The following DCLK2 variants were observed in gnomAD, a reference collection of about 807,000 sequenced individuals.
The protein encoded by DCLK2 is doublecortin like kinase 2.
Under a neutral mutation model 78.4 loss-of-function variants are expected in DCLK2, and 31 were observed. The ratio of observed to expected loss-of-function variants is 0.40; its 90% CI spans 0.30 to 0.53. The LOEUF (loss-of-function observed/expected upper bound fraction) is 0.53, where lower values mean the gene tolerates loss of function less well. Ranked by LOEUF, DCLK2 falls within the 20% of genes least tolerant of loss-of-function variation. DCLK2 has a pLI of 0.61. For synonymous variants in DCLK2, 407 were observed against 374.9 expected (o/e 1.09, Z -0.99); for missense variants, 872 against 973.7 (o/e 0.90, Z 1.39).
chr4:150,158,379 A>G (rs1484620491), intron 2 of DCLK2, among the ~76,000 whole-genome samples: 1 of 152,222 alleles, frequency 6.6e-6, no homozygotes, highest in African/African-American at 2.4e-5. Context: ...GGGCTTCAAC[A>G]TATGAATTTT....
chr4:150,144,454 C>T (rs11730510), intron 2 of DCLK2, among the ~76,000 whole-genome samples: 1,634 of 152,212 alleles, frequency 0.011, 16 homozygotes, highest in Non-Finnish European at 0.018. Context: ...TATTTTTGTA[C>T]CAGTACCATG....
intron 2 of DCLK2, among the ~76,000 whole-genome samples, chr4:150,115,915 C>A (rs1306867039): frequency 6.6e-6 from 1 of 152,166 alleles, no homozygotes; most frequent in African/African-American, 2.4e-5. Context: ...ACAGAGGTCC[C>A]AGCTTTGATG....
At chr4:150,125,822 C>T (rs1216531569) in intron 2 of DCLK2, among the ~76,000 whole-genome samples, 5 of 151,744 alleles carry the variant, frequency 3.3e-5, no homozygotes, top group African/African-American at 7.3e-5. Context: ...ACCCGGGAGG[C>T]GGAGGTTGCA....
chr4:150,188,757 C>G (rs1198524043), intron 2 of DCLK2, among the ~76,000 whole-genome samples: 1 of 151,698 alleles, frequency 6.6e-6, no homozygotes, highest in African/African-American at 2.4e-5. Flanking sequence ...AAAAAATAAG[C>G]TGGGCATGGT....
At chr4:150,224,194 TC>T (rs1410438987) in intron 7 of DCLK2, among the ~76,000 whole-genome samples, 1 of 152,080 alleles carries the variant, frequency 6.6e-6, no homozygotes, top group Admixed American at 6.5e-5. Flanking sequence ...GGTACCTTTG[TC>T]CCCTGACTCC....
chr4:150,236,043 T>C (rs1459744), intron 10 of DCLK2, among the ~76,000 whole-genome samples: 121,633 of 152,098 alleles, frequency 0.8, 50,913 homozygotes, highest in Middle Eastern at 0.94. Flanking sequence ...AGAAGAGGGT[T>C]GGTTTCTCAT....
intron 2 of DCLK2, among the ~76,000 whole-genome samples, chr4:150,151,167 C>T (rs1177354931): frequency 2.0e-5 from 3 of 152,206 alleles, no homozygotes; most frequent in South Asian, 4.1e-4. Flanking sequence ...TTTGCTAGTC[C>T]TTTCTCATCC....
At chr4:150,189,619 C>T (rs189695675) in intron 2 of DCLK2, among the ~76,000 whole-genome samples, 95 of 152,124 alleles carry the variant, frequency 6.2e-4, no homozygotes, top group Middle Eastern at 3.4e-3. Flanking sequence ...TAATACATGC[C>T]GCCATATAGA....
chr4:150,171,586 A>G (rs2150259793), intron 2 of DCLK2, among the ~76,000 whole-genome samples: 1 of 152,396 alleles, frequency 6.6e-6, no homozygotes, highest in Admixed American at 6.5e-5. Flanking sequence ...TATTTAATGC[A>G]GAAAGCAAAT....
At chr4:150,086,190 T>A (rs999691141) in intron 1 of DCLK2, among the ~76,000 whole-genome samples, 1 of 152,226 alleles carries the variant, frequency 6.6e-6, no homozygotes, top group African/African-American at 2.4e-5. Context: ...GGTGTTTTTT[T>A]AATTAATTTT....
chr4:150,249,520 A>C, intron 14 of DCLK2, 48 bp from the exon 15 acceptor site: 1 of 1,545,860 alleles, frequency 6.5e-7, no homozygotes, highest in Non-Finnish European at 8.9e-7. Flanking sequence ...GACAACTCAA[A>C]CGGGAGGATG....
At chr4:150,188,042 G>A (rs903259363) in intron 2 of DCLK2, among the ~76,000 whole-genome samples, 2 of 152,156 alleles carry the variant, frequency 1.3e-5, no homozygotes, top group Middle Eastern at 3.4e-3. Flanking sequence ...CTCATGATCC[G>A]CACCCCTTGG....
chr4:150,220,809 A>G, intron 6 of DCLK2, 31 bp downstream of exon 6: 1 of 1,570,078 alleles, frequency 6.4e-7, no homozygotes, highest in Non-Finnish European at 8.8e-7. Context: ...TACTTTGATA[A>G]AGGAAATCAT....
chr4:150,167,297 T>G (rs28501175), intron 2 of DCLK2, among the ~76,000 whole-genome samples: 4 of 152,174 alleles, frequency 2.6e-5, no homozygotes, highest in Admixed American at 6.5e-5. Context: ...ACAGACTGTT[T>G]GTGACTACAC....
Position 150,249,691 on chromosome 4 carries a change from G to A in DCLK2, c.2073+7G>A. 1 of 1,610,986 alleles carries A rather than the reference G, an allele frequency of 6.2e-7. No individual in the cohort carries two copies. On this transcript the variant is annotated splice_region_variant and intron_variant, in intron 15 of 15. Transcript: ENST00000296550. Reference sequence around the variant, plus strand: ...CGGGGTCTCCGTCATCATGGTGAGTGGAAGGCGGCAGGTCTGGCCTGACTG... The same window carrying A: ...CGGGGTCTCCGTCATCATGGTGAGTAGAAGGCGGCAGGTCTGGCCTGACTG...
At chr4:150,250,980 ACACCACACATCCCT>A (rs1367908515) in intron 15 of DCLK2, among the ~76,000 whole-genome samples, 9 of 584 alleles carry the variant, frequency 0.015, 1 homozygote, top group East Asian at 0.048. Flanking sequence ...CACATCCCCC[ACACCACACATCCCT>A]CACACCCCCC....
At chr4:150,220,430 T>C (rs1443871626) in intron 5 of DCLK2, among the ~76,000 whole-genome samples, 1 of 152,086 alleles carries the variant, frequency 6.6e-6, no homozygotes, top group Non-Finnish European at 1.5e-5. Context: ...TGCCATAGAG[T>C]CTTTTGATTC....
chr4:150,168,602 T>A (rs1279493762), intron 2 of DCLK2, among the ~76,000 whole-genome samples: 1 of 152,312 alleles, frequency 6.6e-6, no homozygotes, highest in East Asian at 1.9e-4. Context: ...GAACATACTT[T>A]GGTGCTCTGT....
intron 2 of DCLK2, among the ~76,000 whole-genome samples, chr4:150,131,489 C>T (rs1025303361): frequency 6.6e-6 from 1 of 151,978 alleles, no homozygotes; most frequent in East Asian, 1.9e-4. Context: ...CTGATATGAC[C>T]CAAGAAAATG....
Sources: gnomAD v4.1 joint callset for allele counts (sites outside exome capture counted in the v4.1 genomes callset) on GRCh38, gnomAD v4.1.1 for gene constraint, MANE v1.5 for transcripts, NCBI Gene and HGNC (gene_info 2026-07-23, HGNC 2026-07-21) for gene names.